Variants in FOXP1 observed in about 807,000 individuals in gnomAD.
FOXP1 encodes forkhead box P1.
In FOXP1, 15 loss-of-function variants were observed where a neutral mutation model predicts 98.2. The ratio of observed to expected loss-of-function variants is 0.15; its 90% CI spans 0.10 to 0.24. FOXP1 has a LOEUF of 0.24. FOXP1 is among the 10% of genes least tolerant of loss of function. FOXP1 has a pLI of 1.00. For synonymous variants in FOXP1, 371 were observed against 314.5 expected (o/e 1.18, Z -1.90); for missense variants, 633 against 848.5 (o/e 0.75, Z 3.15).
At chr3:71,229,396 A>C (rs1401438516) in intron 5 of FOXP1, among the ~76,000 whole-genome samples, 1 of 152,212 alleles carries the variant, frequency 6.6e-6, no homozygotes, top group African/African-American at 2.4e-5. Flanking sequence ...TCCTGACCTC[A>C]TTATAAAACC....
intron 4 of FOXP1, among the ~76,000 whole-genome samples, chr3:71,346,302 G>A (rs2077356236): frequency 6.6e-6 from 1 of 152,188 alleles, no homozygotes; most frequent in Non-Finnish European, 1.5e-5. Context: ...TTGTGTGACT[G>A]GAGCCATGAT....
chr3:71,074,175 T>C (rs2053564297), intron 7 of FOXP1, among the ~76,000 whole-genome samples: 2 of 152,192 alleles, frequency 1.3e-5, no homozygotes, highest in Non-Finnish European at 2.9e-5. Context: ...ATGAAGTAGG[T>C]ATTATTGTGC....
At chr3:71,289,242 T>C (rs1172987574) in intron 5 of FOXP1, among the ~76,000 whole-genome samples, 1 of 151,718 alleles carries the variant, frequency 6.6e-6, no homozygotes, top group African/African-American at 2.4e-5. Context: ...GGTTTCCCCA[T>C]GTTGGCCAGG....
At chr3:71,345,989 C>A (rs1396227899) in intron 4 of FOXP1, among the ~76,000 whole-genome samples, 1 of 149,462 alleles carries the variant, frequency 6.7e-6, no homozygotes, top group Non-Finnish European at 1.5e-5. Flanking sequence ...CTTGGTATTT[C>A]AGAGAGAGCC....
intron 13 of FOXP1, among the ~76,000 whole-genome samples, chr3:70,996,725 C>G (rs1210110894): frequency 1.3e-5 from 2 of 152,074 alleles, no homozygotes; most frequent in African/African-American, 4.8e-5. Flanking sequence ...TTATGATGAC[C>G]CTCTAGGTTA....
intron 3 of FOXP1, among the ~76,000 whole-genome samples, chr3:71,374,101 T>C (rs2079537291): frequency 6.6e-6 from 1 of 152,244 alleles, no homozygotes; most frequent in Non-Finnish European, 1.5e-5. Flanking sequence ...ATTGACGGTG[T>C]ACGTTTTTTG....
chr3:71,332,067 C>G (rs895004210), intron 4 of FOXP1: 16 of 152,268 alleles, frequency 1.1e-4, no homozygotes, highest in Admixed American at 8.5e-4. Context: ...GCTGCCCGAG[C>G]CAGCAGTGGC....
At chr3:71,131,840 A>C (rs1016386304) in intron 6 of FOXP1, among the ~76,000 whole-genome samples, 5 of 152,238 alleles carry the variant, frequency 3.3e-5, no homozygotes, top group African/African-American at 4.8e-5. Context: ...GATCAGCCAC[A>C]AAAACAGTTC....
chr3:70,965,567 T>G (rs1169123309), intron 20 of FOXP1, among the ~76,000 whole-genome samples: 2 of 152,168 alleles, frequency 1.3e-5, no homozygotes, highest in Non-Finnish European at 2.9e-5. Context: ...TGCAAACTTT[T>G]TCATAGGAAT....
At chr3:71,503,462 G>A (rs1223071694) in intron 2 of FOXP1, among the ~76,000 whole-genome samples, 1 of 152,084 alleles carries the variant, frequency 6.6e-6, no homozygotes, top group Admixed American at 6.5e-5. Context: ...TTAGCTGGAT[G>A]TGGTGGCACA....
intron 6 of FOXP1, among the ~76,000 whole-genome samples, chr3:71,123,618 T>C (rs2058942174): frequency 6.6e-6 from 1 of 152,242 alleles, no homozygotes; most frequent in Non-Finnish European, 1.5e-5. Context: ...TTAATGCCTC[T>C]GGACACCTGT....
chr3:71,379,915 A>T (rs2080012833), intron 3 of FOXP1, among the ~76,000 whole-genome samples: 1 of 152,246 alleles, frequency 6.6e-6, no homozygotes, highest in Non-Finnish European at 1.5e-5. Context: ...GGCAACTGAT[A>T]CTATTTCTTT....
At chr3:71,123,511 A>T (rs567905383) in intron 6 of FOXP1, among the ~76,000 whole-genome samples, 2 of 152,284 alleles carry the variant, frequency 1.3e-5, no homozygotes, top group Admixed American at 1.3e-4. Context: ...ATTTTTTTCA[A>T]AACGAGCTTT....
rs182323059 is a variant in FOXP1, at chr3:70,971,833, G to A, written c.1652+722C>T. ...AAGACGTCAAAAAAGCATTATTCAA[G>A]GCACTGGTGTTCCAAAGAGAAACGA... On this transcript the variant is annotated intron_variant, in intron 18 of 20. Transcript: ENST00000649528. 10 of 432,586 alleles carry A rather than the reference G, an allele frequency of 2.3e-5. No homozygotes were observed. In the Admixed American group the frequency reaches 3.0e-4, roughly 13 times the overall value. 26.8% of individuals were successfully genotyped at this position (432,586 alleles called of 1,614,324 possible).
At chr3:71,292,922 G>C (rs959067172) in intron 5 of FOXP1, among the ~76,000 whole-genome samples, 33 of 152,234 alleles carry the variant, frequency 2.2e-4, no homozygotes, top group African/African-American at 7.5e-4. Context: ...GTTTTTAAAA[G>C]ATACCACAAA....
At chr3:71,165,603 C>T (rs72951370) in intron 6 of FOXP1, among the ~76,000 whole-genome samples, 7,086 of 152,208 alleles carry the variant, frequency 0.047, 565 homozygotes, top group African/African-American at 0.16. Context: ...GTCTTAATGG[C>T]TGGTTCTAAA....
At chr3:71,459,944 CTTT>C (rs200373458) in intron 3 of FOXP1, among the ~76,000 whole-genome samples, 2,377 of 145,296 alleles carry the variant, frequency 0.016, 41 homozygotes, top group African/African-American at 0.045. Context: ...TTTTTTTTTT[CTTT>C]TTTTAAGATG....
intron 6 of FOXP1, among the ~76,000 whole-genome samples, chr3:71,143,929 G>A (rs893986965): frequency 2.0e-5 from 3 of 151,946 alleles, no homozygotes; most frequent in African/African-American, 7.3e-5. Flanking sequence ...TTTATAATAC[G>A]GCTTTTACTA....
intron 3 of FOXP1, among the ~76,000 whole-genome samples, chr3:71,390,414 T>C (rs2080944193): frequency 6.6e-6 from 1 of 152,186 alleles, no homozygotes; most frequent in Non-Finnish European, 1.5e-5. Context: ...ACCTTCTCTG[T>C]AAGCAGGAAA....
Sources: allele counts gnomAD v4.1 joint callset (sites outside exome capture counted in the v4.1 genomes callset), GRCh38; gene constraint gnomAD v4.1.1; transcripts MANE v1.5; gene names NCBI Gene and HGNC (gene_info 2026-07-23, HGNC 2026-07-21).